ASCC3: variants seen among roughly 807,000 people sequenced by gnomAD.
ASCC3 encodes ASC-1 complex subunit P200.
A neutral mutation model predicts 256.3 loss-of-function variants in ASCC3; 158 were observed. That is an observed-to-expected ratio of 0.62 (90% CI 0.54 to 0.70). ASCC3 has a LOEUF of 0.70. ASCC3 is among the 30% of genes least tolerant of loss of function. The probability of loss-of-function intolerance (pLI) is 0.00; values close to 1 mark genes in which losing one functional copy is unlikely to be tolerated. For missense variants in ASCC3, 2,259 were observed against 2,626.0 expected (o/e 0.86, Z 3.05); for synonymous variants, 948 against 883.4 (o/e 1.07, Z -1.30).
chr6:100,820,411 A>T (rs948316259), intron 4 of ASCC3, among the ~76,000 whole-genome samples: 1 of 152,224 alleles, frequency 6.6e-6, no homozygotes, highest in African/African-American at 2.4e-5. Flanking sequence ...TCAATAAATG[A>T]TGATGGGACA....
intron 4 of ASCC3, among the ~76,000 whole-genome samples, chr6:100,825,128 G>A (rs1042001005): frequency 1.3e-5 from 2 of 152,120 alleles, no homozygotes; most frequent in African/African-American, 4.8e-5. Context: ...AAAGTAACCA[G>A]GATAGTGAAG....
At chr6:100,523,086 G>A (rs1582383927) in intron 37 of ASCC3, among the ~76,000 whole-genome samples, 1 of 150,944 alleles carries the variant, frequency 6.6e-6, no homozygotes, top group Non-Finnish European at 1.5e-5. Context: ...ATAATCAGTA[G>A]TATGATTCAC....
chr6:100,609,175 T>G (rs1454338134), intron 30 of ASCC3, among the ~76,000 whole-genome samples: 1 of 151,988 alleles, frequency 6.6e-6, no homozygotes, highest in Non-Finnish European at 1.5e-5. Flanking sequence ...CTTAGAAAAC[T>G]TTTCCTAAAT....
At chr6:100,682,362 T>C (rs1020676714) in intron 13 of ASCC3, among the ~76,000 whole-genome samples, 2 of 152,284 alleles carry the variant, frequency 1.3e-5, no homozygotes, top group East Asian at 1.9e-4. Flanking sequence ...TCACAAAATA[T>C]TTTTTACTTG....
intron 36 of ASCC3, among the ~76,000 whole-genome samples, chr6:100,557,633 T>C (rs923951482): frequency 5.4e-5 from 8 of 148,484 alleles, no homozygotes; most frequent in African/African-American, 2.0e-4. Context: ...TTCCCAACCC[T>C]TCACTTTTAA....
chr6:100,596,172 C>A (rs919411288), intron 34 of ASCC3, among the ~76,000 whole-genome samples: 3 of 151,942 alleles, frequency 2.0e-5, no homozygotes, highest in Non-Finnish European at 4.4e-5. Flanking sequence ...TTGCTTATTT[C>A]TGGTTTTATT....
intron 10 of ASCC3, among the ~76,000 whole-genome samples, chr6:100,755,366 C>CTTTTTTTTTTTTTTTTTTTTTTT (rs56147910): frequency 6.7e-6 from 1 of 149,062 alleles, no homozygotes. Context: ...TGTGCTTCCT[C>CTTTTTTTTTTTTTTTTTTTTTTT]TTTTTTTTTT....
intron 4 of ASCC3, among the ~76,000 whole-genome samples, chr6:100,808,451 T>A (rs1171026337): frequency 1.3e-5 from 2 of 151,934 alleles, no homozygotes; most frequent in African/African-American, 2.4e-5. Context: ...AAAACGCTTT[T>A]AAAATATTAT....
intron 4 of ASCC3, among the ~76,000 whole-genome samples, chr6:100,835,613 C>A (rs372964358): frequency 1.5e-4 from 23 of 152,198 alleles, no homozygotes; most frequent in African/African-American, 4.8e-4. Flanking sequence ...ATTCTCTATT[C>A]TGTTCTATTG....
At chr6:100,608,954 G>A (rs145084674) in intron 30 of ASCC3, among the ~76,000 whole-genome samples, 6,219 of 148,232 alleles carry the variant, frequency 0.042, 193 homozygotes, top group Non-Finnish European at 0.066. Context: ...TAGTAGAGAC[G>A]GGGTTTCCCG....
At chr6:100,707,929 C>T (rs1416867904) in intron 13 of ASCC3, among the ~76,000 whole-genome samples, 1 of 152,084 alleles carries the variant, frequency 6.6e-6, no homozygotes, top group African/African-American at 2.4e-5. Context: ...TTTCATATGA[C>T]AGCCTTTCCA....
intron 36 of ASCC3, among the ~76,000 whole-genome samples, chr6:100,548,041 A>C (rs79727163): frequency 7.5e-6 from 1 of 134,144 alleles, no homozygotes; most frequent in Non-Finnish European, 1.6e-5. Context: ...AAGCCAGACC[A>C]AAAAAAAAAA....
chr6:100,742,420 C>T (rs928738415), intron 10 of ASCC3, among the ~76,000 whole-genome samples: 17 of 152,140 alleles, frequency 1.1e-4, no homozygotes, highest in South Asian at 4.1e-4. Flanking sequence ...TTAGGGGGTA[C>T]GCTTCCACAT....
At chr6:100,676,194 A>T (rs1562218259) in intron 14 of ASCC3, among the ~76,000 whole-genome samples, 1 of 152,142 alleles carries the variant, frequency 6.6e-6, no homozygotes, top group East Asian at 1.9e-4. Flanking sequence ...TTTAGTTACT[A>T]GTATATATAT....
intron 36 of ASCC3, among the ~76,000 whole-genome samples, chr6:100,579,500 A>T (rs1014554026): frequency 1.3e-5 from 2 of 152,042 alleles, no homozygotes; most frequent in Non-Finnish European, 1.5e-5. Context: ...TCTTCAATCC[A>T]TCTTGACTTG....
chr6:100,565,773 T>G (rs1334057617), intron 36 of ASCC3, among the ~76,000 whole-genome samples: 1 of 152,204 alleles, frequency 6.6e-6, no homozygotes, highest in Non-Finnish European at 1.5e-5. Flanking sequence ...AGGATGGCTA[T>G]GCTAATTTCT....
At chr6:100,596,616 C>T (rs1345146183) in intron 34 of ASCC3, among the ~76,000 whole-genome samples, 1 of 152,084 alleles carries the variant, frequency 6.6e-6, no homozygotes, top group African/African-American at 2.4e-5. Context: ...TCTGCTGCTG[C>T]TGTTTTCTCT....
intron 4 of ASCC3, among the ~76,000 whole-genome samples, chr6:100,843,690 C>T (rs1279334532): frequency 6.6e-6 from 1 of 152,020 alleles, no homozygotes; most frequent in Non-Finnish European, 1.5e-5. Context: ...TCAGAACTCA[C>T]TTCAAAAACT....
intron 25 of ASCC3, among the ~76,000 whole-genome samples, chr6:100,637,663 T>C (rs1298091605): frequency 6.6e-6 from 1 of 151,214 alleles, no homozygotes; most frequent in Non-Finnish European, 1.5e-5. Flanking sequence ...TGGAAGGAGG[T>C]CAAAATATCA....
Sources: gnomAD v4.1 joint callset for allele counts (sites outside exome capture counted in the v4.1 genomes callset) on GRCh38, gnomAD v4.1.1 for gene constraint, MANE v1.5 for transcripts, NCBI Gene and HGNC (gene_info 2026-07-23, HGNC 2026-07-21) for gene names.